The following KIF20B variants were observed in gnomAD, a reference collection of about 807,000 sequenced individuals.
KIF20B encodes kinesin family member 20B.
Under a neutral mutation model 232.5 loss-of-function variants are expected in KIF20B, and 188 were observed. The ratio of observed to expected loss-of-function variants is 0.81; its 90% confidence interval spans 0.72 to 0.91. The LOEUF is 0.91. KIF20B is among the 40% of genes least tolerant of loss of function. KIF20B has a pLI of 0.00. For synonymous variants in KIF20B, 712 were observed against 683.0 expected, an observed-to-expected ratio of 1.04 and a Z score of -0.66; for missense variants, 2,154 against 2,055.9, an observed-to-expected ratio of 1.05 and a Z score of -0.92.
Position 89,715,136 on chromosome 10 carries a change from G to GAT in KIF20B, c.895_896dup (p.Met299IlefsTer9). The GAT allele has an allele frequency of 6.2e-7, 1 of 1,606,660 alleles. No homozygotes were observed. The highest frequency in any genetic ancestry group is 2.2e-5 in the East Asian group (1 of 44,704). The stretch of plus-strand genomic sequence containing the variant: ...TATCATCTAAATTCCAAAAGAGAAA[G>GAT]ATGCTGCGCCTTTCCCAAGACGTAA... On this transcript the variant is annotated frameshift_variant, in exon 8 of 33. Transcript: ENST00000371728. LOFTEE classifies it high-confidence loss of function.
At chr10:89,751,852 CAG>C (rs2133151537) in intron 24 of KIF20B, among the ~76,000 whole-genome samples, 1 of 151,934 alleles carries the variant, frequency 6.6e-6, no homozygotes, top group East Asian at 1.9e-4. Flanking sequence ...AGAATACCAT[CAG>C]AGTTTTTCTA....
At chr10:89,764,738 G>C (rs955370366) in intron 29 of KIF20B, among the ~76,000 whole-genome samples, 27 of 150,802 alleles carry the variant, frequency 1.8e-4, no homozygotes, top group Admixed American at 1.8e-3. Context: ...CTTTTTGATG[G>C]GGTTGTTTGT....
chr10:89,770,879 A>G lies in KIF20B; in HGVS notation c.5243-1810A>G, dbSNP rs1842448607. On this transcript the variant is annotated intron_variant, in intron 31 of 32. Coordinates refer to ENST00000371728, the MANE Select transcript of KIF20B (RefSeq NM_001284259.2). ...TTCTTTTCAAAGTGCAGATTGAATT[A>G]TGTTACTCCTCTGATCCTTTAATGA... Among the ~76,000 whole-genome samples the G allele has an allele frequency of 2.0e-5, 3 of 152,122 alleles. No individual in the cohort carries two copies. The South Asian group carries it at 6.2e-4, about 32-fold the overall frequency.
chr10:89,721,298 G>A (rs1289763012), intron 13 of KIF20B, among the ~76,000 whole-genome samples: 1 of 152,146 alleles, frequency 6.6e-6, no homozygotes, highest in African/African-American at 2.4e-5. Context: ...ACTTTATCTG[G>A]TCACTATGTG....
chr10:89,701,939 T>G (rs541557508), intron 1 of KIF20B, among the ~76,000 whole-genome samples: 1 of 152,330 alleles, frequency 6.6e-6, no homozygotes, highest in African/African-American at 2.4e-5. Flanking sequence ...GACAATTCAT[T>G]TAATCTCTCT....
Position 89,705,396 on chromosome 10 carries a change from G to T in KIF20B, c.102G>T (p.Lys34Asn). 1 of 1,614,072 alleles carries T rather than the reference G, an allele frequency of 6.2e-7. No homozygotes were observed. The highest frequency in any genetic ancestry group is 1.1e-5 in the South Asian group (1 of 91,084). Reference protein sequence around the residue: ...RPSEINFDGIKLDLSHEFSLV... With the variant: ...RPSEINFDGINLDLSHEFSLV... ...CAGAAATAAATTTCGATGGCATTAA[G>T]CTTGATCTGTCTCATGAATTTTCCT... is the stretch of plus-strand genomic sequence containing the variant. The change falls in exon 2 of 33, where the codon AAG becomes AAT. Residue 34 changes from lysine (K) to asparagine (N), a missense_variant. By Grantham distance (94) the Lys-to-Asn change is moderately conservative. Coordinates refer to ENST00000371728, the MANE Select transcript of KIF20B (RefSeq NM_001284259.2).
rs536047150 is a variant in KIF20B, at chr10:89,737,795, T to C, written c.2954T>C (p.Met985Thr). The change falls in exon 20 of 33, where the codon ATG (methionine) becomes ACG (threonine). Residue 985 changes from methionine to threonine, a missense_variant. Transcript: ENST00000371728. ...ITNNVSQIKL[M>T]HTKIDELRTL... is the part of the protein sequence containing the mutation. ...AATAATGTTTCACAAATAAAATTAATGCACACGAAAATAGACGAACTACGT... is the reference window on the plus strand; with the variant it reads ...AATAATGTTTCACAAATAAAATTAACGCACACGAAAATAGACGAACTACGT... 12 of 1,612,932 alleles carry C rather than the reference T, an allele frequency of 7.4e-6. No individual in the cohort carries two copies. In the South Asian group the frequency reaches 9.9e-5, roughly 13 times the overall value.
At chr10:89,706,746 T>C (rs1247877033) in intron 2 of KIF20B, among the ~76,000 whole-genome samples, 1 of 152,134 alleles carries the variant, frequency 6.6e-6, no homozygotes, top group Non-Finnish European at 1.5e-5. Flanking sequence ...GATCTATTTC[T>C]GGATTTTATT....
At chr10:89,711,694 C>T (rs1471743728) in intron 6 of KIF20B, among the ~76,000 whole-genome samples, 1 of 150,736 alleles carries the variant, frequency 6.6e-6, no homozygotes, top group Non-Finnish European at 1.5e-5. Flanking sequence ...TTTTTTTAAA[C>T]AAAAAAGAGA....
intron 1 of KIF20B, among the ~76,000 whole-genome samples, chr10:89,703,913 C>G (rs543591230): frequency 6.6e-6 from 1 of 151,960 alleles, no homozygotes; most frequent in African/African-American, 2.4e-5. Flanking sequence ...CCACCACACC[C>G]GGCTAATTTT....
chr10:89,760,400 TCTTTA>T (rs1842213386), intron 27 of KIF20B, 121 bp from the exon 28 acceptor site: 1 of 627,618 alleles, frequency 1.6e-6, no homozygotes, highest in South Asian at 2.0e-5. Flanking sequence ...ATTAAAGGTG[TCTTTA>T]CTTAGTAATT....
At chr10:89,767,158 A>G (rs1435991538) in intron 29 of KIF20B, among the ~76,000 whole-genome samples, 3 of 142,908 alleles carry the variant, frequency 2.1e-5, no homozygotes, top group Non-Finnish European at 3.1e-5. Flanking sequence ...ATGCAATCCT[A>G]TTTTCTTTTT....
intron 18 of KIF20B, among the ~76,000 whole-genome samples, chr10:89,730,441 T>C (rs1301941213): frequency 2.6e-5 from 4 of 152,126 alleles, no homozygotes; most frequent in African/African-American, 9.7e-5. Context: ...TATAATACAA[T>C]GTGCAGTCGT....
rs750945434 is a variant in KIF20B at position 89,762,822 on chromosome 10, A to G, written c.4976A>G (p.Asn1659Ser). ...KIPKARKRKS[N>S]EMEEDLVKCE... Reference sequence around the variant, plus strand: ...CCCAAGGCTCGGAAGAGGAAGAGTAATGAAATGGAGGAGGTAAATACTTAA... The same window carrying G: ...CCCAAGGCTCGGAAGAGGAAGAGTAGTGAAATGGAGGAGGTAAATACTTAA... The change falls in exon 29 of 33, where the codon AAT becomes AGT. Residue 1659 changes from asparagine to serine, a missense_variant. Physicochemically the swap from Asn to Ser is conservative, Grantham distance 46. Transcript: ENST00000371728. 3 of 1,607,896 alleles carry G rather than the reference A, an allele frequency of 1.9e-6. No individual in the cohort carries two copies. The highest frequency in any genetic ancestry group is 1.7e-6 in the Non-Finnish European group (2 of 1,174,642).
At position 89,714,880 on chromosome 10, in the gene KIF20B, C is replaced by T. The variant is rs1417793986; in HGVS notation, c.713-75C>T. 3.4e-5 allele frequency: 30 copies of T among 893,928 alleles called. No homozygotes were observed. In the Admixed American group the frequency reaches 5.3e-4, roughly 16 times the overall value. 55.4% of individuals were successfully genotyped at this position (893,928 alleles called of 1,614,324 possible). On this transcript the variant is annotated intron_variant, in intron 7 of 32. Transcript: ENST00000371728. The stretch of plus-strand genomic sequence containing the variant: ...TACTTGGTTTTTCAAGTGTGAGAAT[C>T]GATTTGTACTTTTGTCACGTTTTTA...
chr10:89,720,596 A>G (rs972891635), intron 13 of KIF20B, among the ~76,000 whole-genome samples: 2 of 152,252 alleles, frequency 1.3e-5, no homozygotes, highest in Admixed American at 1.3e-4. Context: ...CCAAGTACCT[A>G]TGATCCCATA....
At chr10:89,705,249 G>T in intron 1 of KIF20B, 45 bp from the exon 2 acceptor site, 2 of 1,578,666 alleles carry the variant, frequency 1.3e-6, no homozygotes, top group Non-Finnish European at 1.7e-6. Context: ...TGGCTTACAT[G>T]CTGACTTATT....
chr10:89,741,553 G>A (rs1005376265), intron 21 of KIF20B, among the ~76,000 whole-genome samples: 1 of 152,210 alleles, frequency 6.6e-6, no homozygotes, highest in Non-Finnish European at 1.5e-5. Context: ...GCTATGCTGA[G>A]TTGACATATT....
intron 23 of KIF20B, among the ~76,000 whole-genome samples, chr10:89,750,882 T>C (rs1332609193): frequency 6.6e-6 from 1 of 152,128 alleles, no homozygotes; most frequent in African/African-American, 2.4e-5. Context: ...AACTACTTGA[T>C]GTTAAAAAAA....
Sources: gnomAD v4.1 joint callset for allele counts (sites outside exome capture counted in the v4.1 genomes callset) on GRCh38, gnomAD v4.1.1 for gene constraint, MANE v1.5 for transcripts, NCBI Gene and HGNC (gene_info 2026-07-23, HGNC 2026-07-21) for gene names.